MCPH1: variants seen among roughly 807,000 people sequenced by gnomAD.
MCPH1 encodes the protein microcephalin.
Under a neutral mutation model 84.5 loss-of-function variants are expected in MCPH1, and 104 were observed. That is an observed-to-expected ratio of 1.23 (90% CI 1.05 to 1.45). MCPH1 has a LOEUF of 1.45. MCPH1 is among the 40% of genes most tolerant of loss of function. The pLI is 0.00. For missense variants in MCPH1, 1,498 were observed against 1,005.7 expected (o/e 1.49, Z -6.62); for synonymous variants, 514 against 366.8 (o/e 1.40, Z -4.58).
chr8:6,408,298 A>T (rs916574702), intron 1 of MCPH1, among the ~76,000 whole-genome samples: 16 of 152,296 alleles, frequency 1.1e-4, no homozygotes, highest in African/African-American at 3.9e-4. Context: ...ATGTGATCAC[A>T]TAATAGCTCA....
At chr8:6,527,406 C>T (rs761442617) in intron 12 of MCPH1, 35 of 904,710 alleles carry the variant, frequency 3.9e-5, no homozygotes, top group African/African-American at 1.4e-4. Flanking sequence ...TTTCTCCAAG[C>T]CCTCTCCCTT....
chr8:6,640,095 TGTGCGCGC>T (rs1371294964), intron 13 of MCPH1, among the ~76,000 whole-genome samples: 6 of 138,652 alleles, frequency 4.3e-5, no homozygotes, highest in African/African-American at 1.8e-4. Context: ...TGTGTGTGTG[TGTGCGCGC>T]GCGTGTGTGT....
chr8:6,568,013 C>T (rs1004604109), intron 12 of MCPH1, among the ~76,000 whole-genome samples: 1 of 152,184 alleles, frequency 6.6e-6, no homozygotes, highest in Non-Finnish European at 1.5e-5. Flanking sequence ...CGGCAACTGA[C>T]ATTTCAGAGG....
intron 12 of MCPH1, among the ~76,000 whole-genome samples, chr8:6,585,327 G>A (rs1827884020): frequency 6.6e-6 from 1 of 152,206 alleles, no homozygotes; most frequent in East Asian, 1.9e-4. Context: ...GGAGTTTCCT[G>A]TTTGAATGAG....
At position 6,621,644 on chromosome 8, in the gene MCPH1, G is replaced by T. The variant is rs776271896; in HGVS notation, c.2405G>T (p.Gly802Val). ...QASIVIGPYS[G>V]KKKATVKYLS... ...AGCATCGTCATCGGGCCCTACAGCGGAAAGAAGAAAGCCACAGTCAAGTAT... is the reference window on the plus strand; with the variant it reads ...AGCATCGTCATCGGGCCCTACAGCGTAAAGAAGAAAGCCACAGTCAAGTAT... The change falls in exon 13 of 14, where the codon GGA becomes GTA. Residue 802 changes from glycine (G) to valine (V), a missense_variant. Coordinates refer to ENST00000344683, the MANE Select transcript of MCPH1 (RefSeq NM_024596.5). 6.2e-7 allele frequency: 1 copy of T among 1,614,236 alleles called. No homozygotes were observed. The highest frequency in any genetic ancestry group is 8.5e-7 in the Non-Finnish European group (1 of 1,180,046).
intron 3 of MCPH1, among the ~76,000 whole-genome samples, chr8:6,420,954 G>T (rs1435650033): frequency 6.6e-6 from 1 of 152,174 alleles, no homozygotes; most frequent in Non-Finnish European, 1.5e-5. Flanking sequence ...AGAAAGAAAG[G>T]AAAGTACACT....
In MCPH1 at chr8:6,425,153, G is replaced by C. The variant is rs1227017774; in HGVS notation, c.234-6346G>C. Among the ~76,000 whole-genome samples, 3 of 152,314 alleles carry C rather than the reference G, an allele frequency of 2.0e-5. No homozygotes were observed. The East Asian group carries it at 5.8e-4, about 29-fold the overall frequency. The stretch of plus-strand genomic sequence containing the variant: ...AGTGCTGGAGTGAATCGGCTCTCTG[G>C]GGAGAATAAGCTCATCACAGCACGG... On this transcript the variant is annotated intron_variant, in intron 3 of 13. Coordinates refer to ENST00000344683, the MANE Select transcript of MCPH1 (RefSeq NM_024596.5).
At chr8:6,542,249 A>G (rs915689230) in intron 12 of MCPH1, among the ~76,000 whole-genome samples, 4 of 152,180 alleles carry the variant, frequency 2.6e-5, no homozygotes, top group African/African-American at 9.7e-5. Context: ...ATATCTGTCT[A>G]GAGACATATA....
At chr8:6,627,296 G>A (rs1299231095) in intron 13 of MCPH1, 16 of 985,186 alleles carry the variant, frequency 1.6e-5, no homozygotes, top group African/African-American at 1.7e-5. Context: ...AGAGAGGGGA[G>A]GCCATCTGCA....
intron 12 of MCPH1, chr8:6,502,727 A>C (rs1812435040): frequency 4.6e-6 from 1 of 219,762 alleles, no homozygotes; most frequent in Admixed American, 5.3e-5. Context: ...ATGCAGTTCC[A>C]AGATGATCTG....
intron 3 of MCPH1, among the ~76,000 whole-genome samples, chr8:6,418,460 G>T (rs1247376216): frequency 1.3e-5 from 2 of 151,850 alleles, no homozygotes; most frequent in African/African-American, 4.8e-5. Flanking sequence ...TTGTATATTG[G>T]TTTGTTAGGC....
chr8:6,496,321 G>A (rs1448479111), intron 11 of MCPH1, among the ~76,000 whole-genome samples: 1 of 152,104 alleles, frequency 6.6e-6, no homozygotes, highest in African/African-American at 2.4e-5. Flanking sequence ...ACAGGAGGTG[G>A]AGCTCAGGTG....
At chr8:6,486,971 A>G (rs140426042) in intron 11 of MCPH1, among the ~76,000 whole-genome samples, 2 of 152,274 alleles carry the variant, frequency 1.3e-5, no homozygotes, top group African/African-American at 4.8e-5. Flanking sequence ...CCTTTTGTGG[A>G]TGCTAACATA....
rs74511478 is a variant in MCPH1 at position 6,586,187 on chromosome 8, C to T, written c.2215-35267C>T. The stretch of plus-strand genomic sequence containing the variant: ...TGTTGCCCAGGCTGGTCTTGAACCA[C>T]TGGGCTCAAGTGATCCTCCTGCCTC... On this transcript the variant is annotated intron_variant, in intron 12 of 13. Transcript: ENST00000344683. Among the ~76,000 whole-genome samples, 4,198 of 152,212 alleles carry T rather than the reference C, an allele frequency of 0.028. 361 individuals are homozygous for T. In the East Asian group the frequency reaches 0.33, roughly 12 times the overall value.
At chr8:6,441,258 G>T (rs1394996683) in intron 6 of MCPH1, among the ~76,000 whole-genome samples, 1 of 152,218 alleles carries the variant, frequency 6.6e-6, no homozygotes, top group Non-Finnish European at 1.5e-5. Flanking sequence ...GTGCAATTAT[G>T]TGTATAAACT....
intron 12 of MCPH1, among the ~76,000 whole-genome samples, chr8:6,574,795 G>A (rs1258811490): frequency 1.3e-5 from 2 of 152,186 alleles, no homozygotes; most frequent in Non-Finnish European, 2.9e-5. Context: ...CAGGATGGAG[G>A]AAGAGTGTCT....
At chr8:6,555,820 T>C (rs2129575325) in intron 12 of MCPH1, among the ~76,000 whole-genome samples, 1 of 152,348 alleles carries the variant, frequency 6.6e-6, no homozygotes, top group South Asian at 2.1e-4. Flanking sequence ...TTATACCAAT[T>C]GCACCAATTC....
At chr8:6,421,974 T>G (rs540193247) in intron 3 of MCPH1, among the ~76,000 whole-genome samples, 4 of 152,252 alleles carry the variant, frequency 2.6e-5, no homozygotes, top group African/African-American at 9.6e-5. Context: ...CCTTTATACA[T>G]GTTGCATTGC....
intron 1 of MCPH1, among the ~76,000 whole-genome samples, chr8:6,408,981 G>T (rs906104944): frequency 6.6e-6 from 1 of 152,016 alleles, no homozygotes; most frequent in African/African-American, 2.4e-5. Flanking sequence ...TGCCTCCCGG[G>T]TTCAAGTGAT....
Sources: allele counts gnomAD v4.1 joint callset (sites outside exome capture counted in the v4.1 genomes callset), GRCh38; gene constraint gnomAD v4.1.1; transcripts MANE v1.5; gene names NCBI Gene and HGNC (gene_info 2026-07-23, HGNC 2026-07-21).